FANCL: variants seen among roughly 807,000 people sequenced by gnomAD.
FANCL encodes the protein FA complementation group L.
A neutral mutation model predicts 59.4 loss-of-function variants in FANCL; 69 were observed. The ratio of observed to expected loss-of-function variants is 1.16; its 90% confidence interval spans 0.96 to 1.42. FANCL has a LOEUF of 1.42. FANCL is among the 40% of genes most tolerant of loss of function. FANCL has a pLI of 0.00. For synonymous variants in FANCL, 180 were observed against 147.1 expected, an observed-to-expected ratio of 1.22 and a Z score of -1.62; for missense variants, 519 against 447.2, an observed-to-expected ratio of 1.16 and a Z score of -1.45.
At chr2:58,189,676 A>G (rs1193470692) in intron 7 of FANCL, among the ~76,000 whole-genome samples, 3 of 152,100 alleles carry the variant, frequency 2.0e-5, no homozygotes, top group Non-Finnish European at 4.4e-5. Flanking sequence ...GCATTTTGTT[A>G]CTTTCATAAT....
At chr2:58,226,623 A>G (rs1693026659) in intron 4 of FANCL, 105 bp downstream of exon 4, 2 of 827,836 alleles carry the variant, frequency 2.4e-6, no homozygotes, top group Non-Finnish European at 4.0e-6. Context: ...AATGACTGAG[A>G]GTTAAGAAGA....
At chr2:58,171,394 T>A (rs1290815183) in intron 7 of FANCL, among the ~76,000 whole-genome samples, 1 of 152,122 alleles carries the variant, frequency 6.6e-6, no homozygotes, top group Non-Finnish European at 1.5e-5. Flanking sequence ...TCAAGGGAAA[T>A]TTATAACGAA....
intron 5 of FANCL, among the ~76,000 whole-genome samples, chr2:58,217,239 C>G (rs1273397417): frequency 1.4e-5 from 1 of 71,854 alleles, no homozygotes; most frequent in Admixed American, 1.8e-4. Flanking sequence ...CACACACACA[C>G]ACACATATAT....
Position 58,195,200 on chromosome 2 carries a change from A to C in FANCL, c.540+3394T>G, listed in dbSNP as rs893318460. Among the ~76,000 whole-genome samples the C allele has an allele frequency of 2.0e-5, 3 of 152,288 alleles. No individual in the cohort carries two copies. The South Asian group carries it at 6.2e-4, about 32-fold the overall frequency. ...AAGATTACACATAACAAGAAGTCTC[A>C]CATTTCTTCTTATTTTCAAAACATA... On this transcript the variant is annotated intron_variant, in intron 7 of 13. Coordinates refer to ENST00000233741, the MANE Select transcript of FANCL (RefSeq NM_018062.4).
chr2:58,159,274 T>C lies in FANCL; in HGVS notation c.*491A>G. 1.7e-6 allele frequency: 2 copies of C among 1,180,870 alleles called. No individual in the cohort carries two copies. Among genetic ancestry groups the C allele is most frequent in the Admixed American group, 2.3e-5 (1 of 43,230 alleles). The allele number at this position is 1,180,870 out of a possible 1,614,324, so 73.1% of individuals were successfully genotyped here. ...TTGTATAACATTTTATTTAGCATTCTTACACACTACACAAAATAAATACTT... is the reference window on the plus strand; with the variant it reads ...TTGTATAACATTTTATTTAGCATTCCTACACACTACACAAAATAAATACTT... On this transcript the variant is annotated 3_prime_UTR_variant, in exon 14 of 14. Coordinates refer to ENST00000233741, the MANE Select transcript of FANCL (RefSeq NM_018062.4).
chr2:58,192,764 A>C (rs1371089527), intron 7 of FANCL, among the ~76,000 whole-genome samples: 1 of 151,918 alleles, frequency 6.6e-6, no homozygotes, highest in Non-Finnish European at 1.5e-5. Context: ...TGTAATGACA[A>C]ATTAACTACT....
chr2:58,219,207 C>A (rs1205388352), intron 5 of FANCL, among the ~76,000 whole-genome samples: 5 of 79,842 alleles, frequency 6.3e-5, no homozygotes, highest in East Asian at 4.1e-4. Flanking sequence ...TATATATATC[C>A]ACAATGATGA....
chr2:58,199,932 T>G (rs745816176), intron 6 of FANCL, among the ~76,000 whole-genome samples: 4 of 152,002 alleles, frequency 2.6e-5, no homozygotes, highest in Non-Finnish European at 5.9e-5. Context: ...TAACAAACAT[T>G]TGAAATCAAC....
intron 4 of FANCL, among the ~76,000 whole-genome samples, chr2:58,226,382 T>G (rs1390274081): frequency 6.6e-6 from 1 of 152,180 alleles, no homozygotes; most frequent in Non-Finnish European, 1.5e-5. Context: ...ACAAAATTAT[T>G]TATACATCAT....
chr2:58,234,943 A>G (rs189137543), intron 1 of FANCL, among the ~76,000 whole-genome samples: 1 of 152,206 alleles, frequency 6.6e-6, no homozygotes, highest in East Asian at 1.9e-4. Flanking sequence ...CAGACATTAA[A>G]CAATAGGCAG....
At chr2:58,227,250 G>T (rs1477280168) in intron 3 of FANCL, among the ~76,000 whole-genome samples, 1 of 152,168 alleles carries the variant, frequency 6.6e-6, no homozygotes, top group African/African-American at 2.4e-5. Flanking sequence ...GTGTTACAAG[G>T]TGCTTTTTTA....
At chr2:58,231,115 C>G (rs191516320) in intron 2 of FANCL, among the ~76,000 whole-genome samples, 1 of 152,298 alleles carries the variant, frequency 6.6e-6, no homozygotes, top group Admixed American at 6.5e-5. Context: ...TTCCTCTTCT[C>G]TGGTCAATCC....
At chr2:58,209,567 T>G (rs1310609459) in intron 5 of FANCL, among the ~76,000 whole-genome samples, 1 of 152,194 alleles carries the variant, frequency 6.6e-6, no homozygotes, top group Non-Finnish European at 1.5e-5. Flanking sequence ...AATTAAGTAC[T>G]ATAAAACTCA....
intron 12 of FANCL, 46 bp downstream of exon 12, chr2:58,161,476 T>C (rs151228630): frequency 2.7e-5 from 31 of 1,132,780 alleles, no homozygotes; most frequent in Middle Eastern, 2.0e-4. Flanking sequence ...ATACTTCCTA[T>C]GTTGTGTTAG....
At chr2:58,218,592 C>T (rs1692080030) in intron 5 of FANCL, among the ~76,000 whole-genome samples, 1 of 149,830 alleles carries the variant, frequency 6.7e-6, no homozygotes, top group East Asian at 1.9e-4. Context: ...ACCTAAGTAA[C>T]TGAAAATGAG....
intron 7 of FANCL, among the ~76,000 whole-genome samples, chr2:58,171,937 G>A (rs780648962): frequency 1.1e-4 from 16 of 152,182 alleles, no homozygotes; most frequent in Non-Finnish European, 2.4e-4. Flanking sequence ...TTAAAAAACG[G>A]CACACCAGGA....
At chr2:58,171,837 A>C (rs1032761030) in intron 7 of FANCL, among the ~76,000 whole-genome samples, 1 of 152,186 alleles carries the variant, frequency 6.6e-6, no homozygotes, top group African/African-American at 2.4e-5. Flanking sequence ...AGGGTCAGGG[A>C]GTTCTCTTTC....
chr2:58,238,500 T>C (rs576464123), intron 1 of FANCL, among the ~76,000 whole-genome samples: 61 of 152,320 alleles, frequency 4.0e-4, no homozygotes, highest in African/African-American at 1.3e-3. Flanking sequence ...TAAGGGATTA[T>C]TGTAAATAAC....
intron 7 of FANCL, among the ~76,000 whole-genome samples, chr2:58,170,682 G>A (rs1285315342): frequency 2.1e-5 from 3 of 141,534 alleles, no homozygotes; most frequent in Non-Finnish European, 4.5e-5. Flanking sequence ...TATTTACCAA[G>A]CAAATGGAAA....
Sources: allele counts gnomAD v4.1 joint callset (sites outside exome capture counted in the v4.1 genomes callset), GRCh38; gene constraint gnomAD v4.1.1; transcripts MANE v1.5; gene names NCBI Gene and HGNC (gene_info 2026-07-23, HGNC 2026-07-21).